Variants in BAZ2B observed in about 807,000 individuals in gnomAD.
The protein encoded by BAZ2B is bromodomain adjacent to zinc finger domain protein 2B.
A neutral mutation model predicts 246.0 loss-of-function variants in BAZ2B; 91 were observed. The ratio of observed to expected loss-of-function variants is 0.37; its 90% CI spans 0.31 to 0.44. The LOEUF is 0.44. Among genes scored for constraint, BAZ2B ranks in the 20% least tolerant of loss-of-function variants. BAZ2B has a pLI of 1.00. For missense variants in BAZ2B, 2,332 were observed against 2,533.7 expected (o/e 0.92, Z 1.71); for synonymous variants, 855 against 860.0 (o/e 0.99, Z 0.10).
intron 13 of BAZ2B, among the ~76,000 whole-genome samples, 188 bp downstream of exon 13, chr2:159,427,753 T>C (rs1379995612): frequency 6.6e-6 from 1 of 152,138 alleles, no homozygotes; most frequent in Non-Finnish European, 1.5e-5. Flanking sequence ...ATACCTATTA[T>C]GTCAAAGCTC....
intron 2 of BAZ2B, among the ~76,000 whole-genome samples, chr2:159,517,068 T>C (rs2083506918): frequency 6.6e-6 from 1 of 152,144 alleles, no homozygotes; most frequent in Admixed American, 6.5e-5. Context: ...TGTTTTGTGG[T>C]CAAAGCATGT....
At chr2:159,417,110 T>A (rs902501070) in intron 13 of BAZ2B, among the ~76,000 whole-genome samples, 3 of 151,928 alleles carry the variant, frequency 2.0e-5, no homozygotes, top group African/African-American at 7.2e-5. Flanking sequence ...CTAAGATTTT[T>A]AAAATATGGA....
At chr2:159,359,550 C>T (rs1201355374) in intron 27 of BAZ2B, among the ~76,000 whole-genome samples, 5 of 152,174 alleles carry the variant, frequency 3.3e-5, no homozygotes, top group Admixed American at 2.6e-4. Context: ...GCTACCATTC[C>T]TTTTGAAACT....
At chr2:159,661,831 G>A in the BAZ2B span, among the ~76,000 whole-genome samples, 3 of 151,122 alleles carry the variant, frequency 2.0e-5, no homozygotes, top group East Asian at 1.9e-4. Flanking sequence ...GGTTGGTCTC[G>A]AACTCTTGCG....
At chr2:159,506,250 G>T (rs941016316) in intron 2 of BAZ2B, among the ~76,000 whole-genome samples, 2 of 152,066 alleles carry the variant, frequency 1.3e-5, no homozygotes, top group Non-Finnish European at 2.9e-5. Flanking sequence ...CCTTACCATG[G>T]TCTATTGCTT....
chr2:159,533,380 G>C (rs2085575947), intron 2 of BAZ2B, among the ~76,000 whole-genome samples: 2 of 152,156 alleles, frequency 1.3e-5, no homozygotes, highest in Admixed American at 1.3e-4. Context: ...ACCAATACCA[G>C]AGTCTCACCG....
At chr2:159,589,131 A>C (rs1419374535) in intron 1 of BAZ2B, among the ~76,000 whole-genome samples, 1 of 152,190 alleles carries the variant, frequency 6.6e-6, no homozygotes, top group African/African-American at 2.4e-5. Context: ...CTAACTACTA[A>C]TATTTAACAC....
chr2:159,447,361 A>G (rs374869578), intron 5 of BAZ2B, among the ~76,000 whole-genome samples: 1 of 152,244 alleles, frequency 6.6e-6, no homozygotes, highest in East Asian at 1.9e-4. Flanking sequence ...TTTCACCTCA[A>G]TTAAACAAAA....
intron 2 of BAZ2B, among the ~76,000 whole-genome samples, chr2:159,514,340 A>G (rs144501039): frequency 5.3e-5 from 8 of 152,248 alleles, no homozygotes; most frequent in Admixed American, 2.6e-4. Context: ...AGCATTCTGT[A>G]CTGACCTATA....
At chr2:159,603,517 G>A (rs1692672710) in intron 1 of BAZ2B, among the ~76,000 whole-genome samples, 1 of 151,810 alleles carries the variant, frequency 6.6e-6, no homozygotes, top group Admixed American at 6.6e-5. Flanking sequence ...GTGATTATCA[G>A]TCTAACATGG....
chr2:159,627,321 G>A, the BAZ2B span, among the ~76,000 whole-genome samples: 17 of 150,686 alleles, frequency 1.1e-4, no homozygotes, highest in African/African-American at 4.1e-4. Context: ...TTTTTATGAG[G>A]CGAGCATCAT....
the BAZ2B span, among the ~76,000 whole-genome samples, chr2:159,662,538 T>C: frequency 6.6e-6 from 1 of 152,204 alleles, no homozygotes; most frequent in Admixed American, 6.5e-5. Flanking sequence ...CGCTTTGTTT[T>C]GTTTTTGAGA....
Position 159,448,371 on chromosome 2 carries a change from T to C in BAZ2B, c.373A>G (p.Thr125Ala). Reference protein sequence around the residue: ...WWRTTDAHTRTGATFFPPLLG... With the variant: ...WWRTTDAHTRAGATFFPPLLG... ...AATGGTGGAAAGAAGGTTGCTCCTG[T>C]ACGAGTATGAGCATCAGTTGTTCGC... Residue 125 changes from threonine to alanine, a missense_variant, in exon 5 of 37, where the codon ACA (threonine) becomes GCA (alanine). Around this residue, in one of 9 missense-constraint regions of BAZ2B, gnomAD observed 242 missense variants for 237.4 expected, o/e 1.02. Coordinates refer to ENST00000392783, the MANE Select transcript of BAZ2B (RefSeq NM_013450.4). 1.2e-6 allele frequency: 2 copies of C among 1,608,992 alleles called. No homozygotes were observed. Among genetic ancestry groups the C allele is most frequent in the Non-Finnish European group, 1.7e-6 (2 of 1,178,770 alleles).
Position 159,392,797 on chromosome 2 carries a change from A to T in BAZ2B, c.3075+2972T>A, listed in dbSNP as rs145027797. Among the ~76,000 whole-genome samples, 37 of 152,320 alleles carry T rather than the reference A, an allele frequency of 2.4e-4. No individual in the cohort carries two copies. In the East Asian group the frequency reaches 7.0e-3, roughly 29 times the overall value. Reference sequence around the variant, plus strand: ...CTTCAAATGACACAAACTAAAATTAAGGTAACATTTTGAACTGGTTATTAA... The same window carrying T: ...CTTCAAATGACACAAACTAAAATTATGGTAACATTTTGAACTGGTTATTAA... On this transcript the variant is annotated intron_variant, in intron 20 of 36. Coordinates refer to ENST00000392783, the MANE Select transcript of BAZ2B (RefSeq NM_013450.4).
At chr2:159,467,644 T>C (rs922226785) in intron 3 of BAZ2B, among the ~76,000 whole-genome samples, 2 of 152,100 alleles carry the variant, frequency 1.3e-5, no homozygotes, top group Non-Finnish European at 2.9e-5. Flanking sequence ...TAGGAAAAAA[T>C]TTTTTTAAAT....
chr2:159,332,719 G>C (rs139171947), intron 33 of BAZ2B, 33 bp from the exon 34 acceptor site: 2 of 1,606,952 alleles, frequency 1.2e-6, no homozygotes, highest in African/African-American at 2.7e-5. Context: ...TAAAATTAAC[G>C]CTCTGCCATG....
At chr2:159,628,303 G>T in the BAZ2B span, among the ~76,000 whole-genome samples, 1 of 152,150 alleles carries the variant, frequency 6.6e-6, no homozygotes, top group Non-Finnish European at 1.5e-5. Context: ...TTTCTTCACA[G>T]AATTAGAAAA....
intron 3 of BAZ2B, 89 bp from the exon 4 acceptor site, chr2:159,453,890 T>A (rs2075396779): frequency 1.8e-6 from 2 of 1,114,400 alleles, no homozygotes; most frequent in Non-Finnish European, 1.2e-6. Context: ...AAATTTATAA[T>A]AATTTACCTA....
At chr2:159,396,025 A>G (rs1468126463) in intron 19 of BAZ2B, 191 bp from the exon 20 acceptor site, 7 of 477,850 alleles carry the variant, frequency 1.5e-5, no homozygotes, top group Non-Finnish European at 2.2e-5. Context: ...CAGGTTTAGA[A>G]AGCAAATACA....
Sources: gnomAD v4.1 joint callset for allele counts (sites outside exome capture counted in the v4.1 genomes callset) on GRCh38, gnomAD v4.1.1 for gene constraint, gnomAD v4.1.1 regional missense constraint, MANE v1.5 for transcripts, NCBI Gene and HGNC (gene_info 2026-07-23, HGNC 2026-07-21) for gene names.